Variants in FA2H observed in about 807,000 individuals in gnomAD.
FA2H encodes fatty acid 2-hydroxylase.
A neutral mutation model predicts 44.9 loss-of-function variants in FA2H; 22 were observed. That is an observed-to-expected ratio of 0.49 (90% CI 0.35 to 0.70). The LOEUF is 0.70. FA2H is among the 30% of genes least tolerant of loss of function. FA2H has a pLI of 0.01. For synonymous variants in FA2H, 243 were observed against 213.2 expected (o/e 1.14, Z -1.22); for missense variants, 501 against 504.9 (o/e 0.99, Z 0.07).
At chr16:74,760,247 C>T (rs779035640) in intron 1 of FA2H, among the ~76,000 whole-genome samples, 2 of 152,262 alleles carry the variant, frequency 1.3e-5, no homozygotes, top group African/African-American at 2.4e-5. Flanking sequence ...ACCAGGCCCC[C>T]GAGGGAGCAT....
chr16:74,741,981 G>A lies in FA2H; in HGVS notation c.271-1866C>T, dbSNP rs534813224. On this transcript the variant is annotated intron_variant, in intron 1 of 6. Coordinates refer to ENST00000219368, the MANE Select transcript of FA2H (RefSeq NM_024306.5). Reference sequence around the variant, plus strand: ...CAATATAAATGTCCTCCCTCTTCCCGTGACAGCAGCTCAATAATCCTGTTC... The same window carrying A: ...CAATATAAATGTCCTCCCTCTTCCCATGACAGCAGCTCAATAATCCTGTTC... Among the ~76,000 whole-genome samples the A allele has an allele frequency of 1.1e-3, 171 of 151,600 alleles. 1 individual carries two copies. The highest frequency in any genetic ancestry group is 2.2e-4 in the African/African-American group (9 of 41,276).
intron 2 of FA2H, among the ~76,000 whole-genome samples, chr16:74,730,985 G>A (rs942127193): frequency 1.1e-4 from 16 of 152,114 alleles, no homozygotes; most frequent in South Asian, 2.1e-4. Context: ...CCCGAAGTCC[G>A]CTTGGGTATT....
chr16:74,740,666 A>G (rs1962277887), intron 1 of FA2H, among the ~76,000 whole-genome samples: 1 of 140,698 alleles, frequency 7.1e-6, no homozygotes, highest in South Asian at 2.3e-4. Flanking sequence ...TAATAATAAT[A>G]ATAAAATTTC....
chr16:74,752,357 A>G (rs1184569423), intron 1 of FA2H, among the ~76,000 whole-genome samples: 4 of 152,038 alleles, frequency 2.6e-5, no homozygotes, highest in African/African-American at 4.8e-5. Flanking sequence ...ATCCCTGGCC[A>G]TGACCCATGA....
intron 1 of FA2H, among the ~76,000 whole-genome samples, chr16:74,772,373 C>T (rs1050054193): frequency 2.6e-5 from 4 of 152,222 alleles, no homozygotes; most frequent in Non-Finnish European, 5.9e-5. Context: ...TAGATCCGTA[C>T]TCTGATACAC....
intron 1 of FA2H, among the ~76,000 whole-genome samples, chr16:74,740,359 G>A (rs1962267936): frequency 6.6e-6 from 1 of 152,114 alleles, no homozygotes; most frequent in African/African-American, 2.4e-5. Flanking sequence ...GCTCACACCT[G>A]TAATCCCAGC....
At chr16:74,738,919 G>C (rs964632612) in intron 2 of FA2H, among the ~76,000 whole-genome samples, 1 of 152,234 alleles carries the variant, frequency 6.6e-6, no homozygotes, top group Admixed American at 6.5e-5. Flanking sequence ...ACATGGCACA[G>C]CACAACTTCC....
intron 1 of FA2H, among the ~76,000 whole-genome samples, chr16:74,768,408 C>G (rs1264825311): frequency 6.6e-6 from 1 of 152,204 alleles, no homozygotes; most frequent in Non-Finnish European, 1.5e-5. Flanking sequence ...TAGCTTCGTC[C>G]TCCAGGTGAG....
chr16:74,729,206 C>G (rs1310466857), intron 2 of FA2H, among the ~76,000 whole-genome samples: 1 of 152,114 alleles, frequency 6.6e-6, no homozygotes, highest in Non-Finnish European at 1.5e-5. Context: ...CAAGGGGTTT[C>G]ACCATGTTGG....
At chr16:74,763,130 A>C (rs925287774) in intron 1 of FA2H, among the ~76,000 whole-genome samples, 3 of 152,202 alleles carry the variant, frequency 2.0e-5, no homozygotes, top group African/African-American at 7.2e-5. Context: ...AACTGACTTT[A>C]AAATTTGAGG....
intron 1 of FA2H, among the ~76,000 whole-genome samples, chr16:74,744,385 G>C (rs548817531): frequency 5.9e-5 from 9 of 151,552 alleles, no homozygotes; most frequent in Admixed American, 5.9e-4. Flanking sequence ...AAACCAAAAA[G>C]TGCCTCAAAT....
Position 74,751,388 on chromosome 16 carries a change from G to A in FA2H, c.271-11273C>T, listed in dbSNP as rs1051127845. Among the ~76,000 whole-genome samples the A allele has an allele frequency of 7.2e-5, 11 of 152,150 alleles. No homozygotes were observed. The East Asian group carries it at 1.5e-3, about 21-fold the overall frequency. ...TGGGTTTATAACTTTGAGCCACTGC[G>A]CCTGGCCCCATCACACATTTCTTCA... is the stretch of plus-strand genomic sequence containing the variant. On this transcript the variant is annotated intron_variant, in intron 1 of 6. Coordinates refer to ENST00000219368, the MANE Select transcript of FA2H (RefSeq NM_024306.5).
chr16:74,716,798 G>T (rs796546956), intron 5 of FA2H, 199 bp from the exon 6 acceptor site: 1 of 587,324 alleles, frequency 1.7e-6, no homozygotes, highest in African/African-American at 1.9e-5. Flanking sequence ...TCCCATTTGT[G>T]AGCCAGGAAG....
chr16:74,717,564 G>T (rs1427669074), intron 5 of FA2H, among the ~76,000 whole-genome samples: 1 of 152,236 alleles, frequency 6.6e-6, no homozygotes, highest in Non-Finnish European at 1.5e-5. Context: ...AAACAGGAAA[G>T]GATGTGCATG....
At chr16:74,745,061 G>A (rs1005979663) in intron 1 of FA2H, among the ~76,000 whole-genome samples, 4 of 152,110 alleles carry the variant, frequency 2.6e-5, no homozygotes, top group East Asian at 1.9e-4. Flanking sequence ...ACCCTGAGGC[G>A]AACGAGACTG....
intron 1 of FA2H, among the ~76,000 whole-genome samples, chr16:74,769,814 C>G (rs564173219): frequency 3.3e-5 from 5 of 152,332 alleles, no homozygotes; most frequent in Admixed American, 3.3e-4. Context: ...GCTCTTGACC[C>G]CACCGCCCTG....
Position 74,716,832 on chromosome 16 carries a change from C to T in FA2H, c.787-233G>A, listed in dbSNP as rs113713735. ...AGGGACCTGGCAGATTGCAAAGGAA[C>T]ATGGGATGGGCGGGATGGGCAGGAT... On this transcript the variant is annotated intron_variant, in intron 5 of 6. Coordinates refer to ENST00000219368, the MANE Select transcript of FA2H (RefSeq NM_024306.5). 1,561 of 482,382 alleles carry T rather than the reference C, an allele frequency of 3.2e-3. 16 individuals carry two copies. Among genetic ancestry groups the T allele is most frequent in the African/African-American group, 0.029 (1,460 of 50,604 alleles). 29.9% of individuals were successfully genotyped at this position (482,382 alleles called of 1,614,324 possible).
At chr16:74,756,702 A>C (rs919576749) in intron 1 of FA2H, among the ~76,000 whole-genome samples, 2 of 152,248 alleles carry the variant, frequency 1.3e-5, no homozygotes, top group Non-Finnish European at 2.9e-5. Flanking sequence ...CTATATATGT[A>C]AATGACTGAT....
At chr16:74,754,051 T>C (rs903086628) in intron 1 of FA2H, among the ~76,000 whole-genome samples, 1 of 152,152 alleles carries the variant, frequency 6.6e-6, no homozygotes, top group Non-Finnish European at 1.5e-5. Flanking sequence ...CCAATGAGCA[T>C]TCATATTCAC....
Sources: gnomAD v4.1 joint callset for allele counts (sites outside exome capture counted in the v4.1 genomes callset) on GRCh38, gnomAD v4.1.1 for gene constraint, MANE v1.5 for transcripts, NCBI Gene and HGNC (gene_info 2026-07-23, HGNC 2026-07-21) for gene names.